The following MTUS2 variants were observed in gnomAD, a reference collection of about 807,000 sequenced individuals.
MTUS2 encodes the protein microtubule-associated tumor suppressor candidate 2.
Under a neutral mutation model 114.1 loss-of-function variants are expected in MTUS2, and 40 were observed. The observed-to-expected ratio is 0.35, with a 90% CI of 0.27 to 0.46. The LOEUF (loss-of-function observed/expected upper bound fraction) is 0.46, where lower values mean the gene tolerates loss of function less well. Among genes scored for constraint, MTUS2 ranks in the 20% least tolerant of loss-of-function variants. The pLI, the probability that MTUS2 is intolerant of heterozygous loss-of-function variation, is 1.00. For synonymous variants in MTUS2, 688 were observed against 672.0 expected (o/e 1.02, Z -0.37); for missense variants, 1,679 against 1,705.4 (o/e 0.98, Z 0.27).
chr13:28,970,277 G>A (rs545148672), intron 2 of MTUS2, among the ~76,000 whole-genome samples: 2 of 152,274 alleles, frequency 1.3e-5, no homozygotes, highest in Admixed American at 6.5e-5. Flanking sequence ...ATGTACAAAT[G>A]TAGAATAATA....
intron 5 of MTUS2, among the ~76,000 whole-genome samples, chr13:29,121,338 T>C (rs77088679): frequency 0.011 from 1,669 of 152,234 alleles, 16 homozygotes; most frequent in Non-Finnish European, 0.017. Flanking sequence ...GAAACAAACA[T>C]GGATGATGAA....
At chr13:29,413,137 T>C (rs1875391676) in intron 8 of MTUS2, among the ~76,000 whole-genome samples, 1 of 152,220 alleles carries the variant, frequency 6.6e-6, no homozygotes, top group Non-Finnish European at 1.5e-5. Context: ...CTTAATTTTA[T>C]CTACAGTCTT....
At chr13:29,407,824 C>T (rs1438991359) in intron 8 of MTUS2, among the ~76,000 whole-genome samples, 1 of 152,012 alleles carries the variant, frequency 6.6e-6, no homozygotes, top group Non-Finnish European at 1.5e-5. Context: ...ATGAATGTAC[C>T]GTTTACTCCA....
chr13:29,337,974 G>A (rs1284257428), intron 7 of MTUS2, among the ~76,000 whole-genome samples: 4 of 116,462 alleles, frequency 3.4e-5, no homozygotes, highest in African/African-American at 9.1e-5. Context: ...TTTTTTAGTA[G>A]AGACAGGGTT....
chr13:29,179,291 G>A (rs1238216776), intron 5 of MTUS2, among the ~76,000 whole-genome samples: 2 of 152,178 alleles, frequency 1.3e-5, no homozygotes, highest in Admixed American at 6.6e-5. Flanking sequence ...TTAACCATAT[G>A]CAGAGGACAG....
intron 2 of MTUS2, among the ~76,000 whole-genome samples, chr13:28,880,081 T>TACTTCTTTTCACCA (rs1878199951): frequency 6.6e-6 from 1 of 152,204 alleles, no homozygotes; most frequent in Non-Finnish European, 1.5e-5. Flanking sequence ...TTTTTGTTGA[T>TACTTCTTTTCACCA]ACTTCTTTTC....
intron 2 of MTUS2, among the ~76,000 whole-genome samples, chr13:28,952,167 C>G (rs1474480148): frequency 1.3e-5 from 2 of 152,108 alleles, no homozygotes; most frequent in African/African-American, 4.8e-5. Context: ...TATATATTTG[C>G]TTTACTAAGT....
chr13:28,996,664 A>G (rs1885124311), intron 2 of MTUS2, among the ~76,000 whole-genome samples: 1 of 152,180 alleles, frequency 6.6e-6, no homozygotes, highest in Non-Finnish European at 1.5e-5. Flanking sequence ...CATTTCTTCT[A>G]GATTTTCTAG....
intron 6 of MTUS2, among the ~76,000 whole-genome samples, chr13:29,311,822 A>T (rs1275905366): frequency 1.3e-5 from 2 of 152,222 alleles, no homozygotes; most frequent in Non-Finnish European, 2.9e-5. Flanking sequence ...ATCTAATCAA[A>T]GGTAGTCTTA....
intron 4 of MTUS2, among the ~76,000 whole-genome samples, chr13:29,052,326 C>T (rs990194891): frequency 1.3e-5 from 2 of 151,794 alleles, no homozygotes; most frequent in African/African-American, 4.8e-5. Flanking sequence ...TCTGAAAATA[C>T]AAAAATTAGC....
chr13:29,148,714 G>A (rs1488906745), intron 5 of MTUS2, among the ~76,000 whole-genome samples: 3 of 123,594 alleles, frequency 2.4e-5, no homozygotes, highest in African/African-American at 7.6e-5. Context: ...TCCTGACCTC[G>A]TGATCCGCCC....
intron 6 of MTUS2, among the ~76,000 whole-genome samples, chr13:29,319,983 A>G (rs1434869942): frequency 6.6e-6 from 1 of 152,222 alleles, no homozygotes; most frequent in Admixed American, 6.5e-5. Flanking sequence ...TAGACAGGGA[A>G]GCTGCAGTAC....
chr13:29,003,019 A>G (rs888592642), intron 2 of MTUS2, among the ~76,000 whole-genome samples: 3 of 152,232 alleles, frequency 2.0e-5, no homozygotes, highest in African/African-American at 7.2e-5. Flanking sequence ...GCCTTTCCCT[A>G]TAGAACTATA....
intron 9 of MTUS2, among the ~76,000 whole-genome samples, chr13:29,472,412 G>A (rs1351044160): frequency 6.6e-6 from 1 of 152,162 alleles, no homozygotes; most frequent in African/African-American, 2.4e-5. Context: ...AGAGAGTAGG[G>A]CTCTACAGGG....
chr13:29,234,161 A>G (rs1168993259), intron 5 of MTUS2, among the ~76,000 whole-genome samples: 1 of 152,174 alleles, frequency 6.6e-6, no homozygotes, highest in Non-Finnish European at 1.5e-5. Context: ...CAGTTAAAAA[A>G]CATAAACACA....
At chr13:29,373,180 C>A (rs963899390) in intron 8 of MTUS2, among the ~76,000 whole-genome samples, 6 of 152,186 alleles carry the variant, frequency 3.9e-5, no homozygotes, top group Admixed American at 2.0e-4. Flanking sequence ...AATGAAGTCT[C>A]ATTTTTCTTC....
chr13:29,502,819 T>C (rs1335262536), intron 15 of MTUS2, among the ~76,000 whole-genome samples, 174 bp from the exon 16 acceptor site: 1 of 152,162 alleles, frequency 6.6e-6, no homozygotes, highest in Admixed American at 6.5e-5. Flanking sequence ...AGATGTGTCA[T>C]TGGGCCAAAT....
At chr13:29,436,916 A>G (rs1488638231) in intron 8 of MTUS2, among the ~76,000 whole-genome samples, 1 of 151,796 alleles carries the variant, frequency 6.6e-6, no homozygotes, top group Non-Finnish European at 1.5e-5. Context: ...ACCACAAAAC[A>G]TCAGCATTAG....
chr13:29,147,239 T>A (rs960591754), intron 5 of MTUS2, among the ~76,000 whole-genome samples: 3 of 152,124 alleles, frequency 2.0e-5, no homozygotes, highest in Non-Finnish European at 2.9e-5. Context: ...CACCCACACA[T>A]CAACTCCTTT....
Sources: gnomAD v4.1 joint callset for allele counts (sites outside exome capture counted in the v4.1 genomes callset) on GRCh38, gnomAD v4.1.1 for gene constraint, MANE v1.5 for transcripts, NCBI Gene and HGNC (gene_info 2026-07-23, HGNC 2026-07-21) for gene names.